Variants in TMEM169 observed in about 807,000 individuals in gnomAD.
TMEM169 encodes the protein transmembrane protein 169.
A neutral mutation model predicts 27.3 loss-of-function variants in TMEM169; 18 were observed. That is an observed-to-expected ratio of 0.66 (90% confidence interval 0.46 to 0.98). The LOEUF is 0.98. TMEM169 is among the 50% of genes least tolerant of loss of function. TMEM169 has a pLI of 0.00. For missense variants in TMEM169, 320 were observed against 368.6 expected (o/e 0.87, Z 1.08); for synonymous variants, 136 against 142.1 (o/e 0.96, Z 0.30).
chr2:216,102,552 T>G lies in TMEM169; in HGVS notation c.*2010T>G, dbSNP rs1394646740. ...TGAATCAAACCAGAGGAGTTTGTCA[T>G]GCTCCCCACAGAGAGCCCAGGACAT... On this transcript the variant is annotated 3_prime_UTR_variant, in exon 3 of 3. Coordinates refer to ENST00000437356, the MANE Select transcript of TMEM169 (RefSeq NM_001142311.2). The G allele has an allele frequency of 6.6e-6, 1 of 152,360 alleles. No homozygotes were observed. Among genetic ancestry groups the G allele is most frequent in the African/African-American group, 2.4e-5 (1 of 41,340 alleles). 9.4% of individuals were successfully genotyped at this position (152,360 alleles called of 1,614,324 possible).
chr2:216,086,168 G>A (rs866972285), intron 1 of TMEM169, among the ~76,000 whole-genome samples: 4 of 151,862 alleles, frequency 2.6e-5, no homozygotes, highest in African/African-American at 9.7e-5. Flanking sequence ...GGGTTCAAGC[G>A]ATTCTCCTAC....
rs536020487 is a variant in TMEM169, at chr2:216,088,821, CT to C, written c.-127+6845del. ...TCCTTCTTTATCCCTTTCTCCTTTC[CT>C]TTCCCCCTTCTCCTTTTTTCTCGGT... On this transcript the variant is annotated intron_variant, in intron 1 of 2. Coordinates refer to ENST00000437356, the MANE Select transcript of TMEM169 (RefSeq NM_001142311.2). Among the ~76,000 whole-genome samples the C allele has an allele frequency of 2.6e-5, 4 of 152,222 alleles. No homozygotes were observed. In the East Asian group the frequency reaches 7.7e-4, roughly 29 times the overall value.
intron 2 of TMEM169, among the ~76,000 whole-genome samples, chr2:216,097,318 G>C (rs769086016): frequency 2.0e-5 from 3 of 152,152 alleles, no homozygotes; most frequent in Non-Finnish European, 1.5e-5. Context: ...GGCAGATCAC[G>C]TGGGGTCAGG....
intron 1 of TMEM169, among the ~76,000 whole-genome samples, chr2:216,083,946 G>C (rs1695936542): frequency 6.6e-6 from 1 of 152,166 alleles, no homozygotes; most frequent in African/African-American, 2.4e-5. Flanking sequence ...TGAAATTTTA[G>C]TTCTGCCTCT....
At chr2:216,093,806 A>C (rs1282968549) in intron 1 of TMEM169, among the ~76,000 whole-genome samples, 1 of 152,168 alleles carries the variant, frequency 6.6e-6, no homozygotes, top group Non-Finnish European at 1.5e-5. Context: ...AATGAGAAAA[A>C]AAAATATGTA....
intron 1 of TMEM169, among the ~76,000 whole-genome samples, chr2:216,092,738 G>A (rs1039957635): frequency 2.6e-5 from 4 of 152,164 alleles, no homozygotes; most frequent in Non-Finnish European, 5.9e-5. Flanking sequence ...TCAACCCCTA[G>A]TTTGAAAATT....
At chr2:216,093,750 G>T (rs1696194265) in intron 1 of TMEM169, among the ~76,000 whole-genome samples, 1 of 151,974 alleles carries the variant, frequency 6.6e-6, no homozygotes, top group East Asian at 1.9e-4. Flanking sequence ...GGGAGAAAAA[G>T]CCATTCCATT....
At chr2:216,083,645 G>T (rs1695926856) in intron 1 of TMEM169, among the ~76,000 whole-genome samples, 2 of 152,200 alleles carry the variant, frequency 1.3e-5, no homozygotes, top group South Asian at 2.1e-4. Context: ...CAGGGACTGG[G>T]GCCTGCAAAC....
chr2:216,095,786 C>CCATCTCACCCCATTTGCTTCCTGTT (rs1696248401), intron 1 of TMEM169, 52 bp from the exon 2 acceptor site: 2 of 630,476 alleles, frequency 3.2e-6, no homozygotes, highest in East Asian at 5.6e-5. Flanking sequence ...ACATTCCTGT[C>CCATCTCACCCCATTTGCTTCCTGTT]CATCTCACCC....
chr2:216,088,324 C>T (rs1278433393), intron 1 of TMEM169, among the ~76,000 whole-genome samples: 1 of 152,064 alleles, frequency 6.6e-6, no homozygotes, highest in Non-Finnish European at 1.5e-5. Flanking sequence ...ATTAGCCGGG[C>T]GTGGTGGTGG....
rs769898885 is a variant in TMEM169, at chr2:216,102,104, G to A, written c.*1562G>A. ...TTTGTCCTGGTGGTGGAGGTGGGAC[G>A]AGGTGGTGATATTTAACCTAGATTA... On this transcript the variant is annotated 3_prime_UTR_variant, in exon 3 of 3. Transcript: ENST00000437356. 3.3e-5 allele frequency: 5 copies of A among 152,084 alleles called. No homozygotes were observed. Among genetic ancestry groups the A allele is most frequent in the Admixed American group, 6.6e-5 (1 of 15,264 alleles). The allele number at this position is 152,084 out of a possible 1,614,324, so 9.4% of individuals were successfully genotyped here.
chr2:216,091,207 T>A (rs78669404), intron 1 of TMEM169, among the ~76,000 whole-genome samples: 3,992 of 152,260 alleles, frequency 0.026, 201 homozygotes, highest in African/African-American at 0.091. Flanking sequence ...CCCAAAGTGA[T>A]GGCATTAGGT....
chr2:216,087,219 C>T (rs896602555), intron 1 of TMEM169, among the ~76,000 whole-genome samples: 18 of 152,220 alleles, frequency 1.2e-4, no homozygotes, highest in Admixed American at 2.0e-4. Context: ...GGTGCAAATA[C>T]GGAGAGCCTC....
intron 2 of TMEM169, among the ~76,000 whole-genome samples, chr2:216,098,801 GGT>G (rs929518392): frequency 2.7e-5 from 4 of 150,544 alleles, no homozygotes; most frequent in Non-Finnish European, 4.4e-5. Context: ...TGTGTCGTAT[GGT>G]GTGTGTGTGT....
At chr2:216,082,611 T>G (rs1695893122) in intron 1 of TMEM169, 2 of 152,390 alleles carry the variant, frequency 1.3e-5, no homozygotes, top group African/African-American at 4.8e-5. Flanking sequence ...TCATTCCTTG[T>G]GCAGGAGGGT....
At position 216,097,302 on chromosome 2, in the gene TMEM169, AAGGC is replaced by A. The variant is rs530578537; in HGVS notation, c.271+1075_271+1078del. On this transcript the variant is annotated intron_variant, in intron 2 of 2. Transcript: ENST00000437356. ...TATAATCCCAGCACTTTGTGAGGCCAAGGCAGGCAGATCACGTGGGGTCAGGACT... is the reference window on the plus strand; with the variant it reads ...TATAATCCCAGCACTTTGTGAGGCCAAGGCAGATCACGTGGGGTCAGGACT... Among the ~76,000 whole-genome samples, 1,209 of 150,898 alleles carry A rather than the reference AAGGC, an allele frequency of 8.0e-3. 6 individuals carry two copies. The highest frequency in any genetic ancestry group is 0.012 in the Non-Finnish European group (791 of 68,004).
intron 1 of TMEM169, among the ~76,000 whole-genome samples, chr2:216,091,407 A>C (rs1696119327): frequency 6.6e-6 from 1 of 152,088 alleles, no homozygotes; most frequent in Non-Finnish European, 1.5e-5. Flanking sequence ...AAATACAAAA[A>C]TTAGCTGGGC....
intron 1 of TMEM169, among the ~76,000 whole-genome samples, chr2:216,083,155 G>C (rs577541637): frequency 6.6e-6 from 1 of 152,250 alleles, no homozygotes; most frequent in East Asian, 1.9e-4. Context: ...GTTAAAGAAA[G>C]GAATAAATCT....
At chr2:216,093,438 G>C (rs756627482) in intron 1 of TMEM169, among the ~76,000 whole-genome samples, 1 of 152,080 alleles carries the variant, frequency 6.6e-6, no homozygotes. Flanking sequence ...GGTCCAGAAA[G>C]CTCCATGGAT....
Sources: gnomAD v4.1 joint callset for allele counts (sites outside exome capture counted in the v4.1 genomes callset) on GRCh38, gnomAD v4.1.1 for gene constraint, MANE v1.5 for transcripts, NCBI Gene and HGNC (gene_info 2026-07-23, HGNC 2026-07-21) for gene names.